Variants in STIM2 observed in about 807,000 individuals in gnomAD.
STIM2 encodes the protein stromal interaction molecule 2.
A neutral mutation model predicts 85.8 loss-of-function variants in STIM2; 31 were observed. That is an observed-to-expected ratio of 0.36 (90% CI 0.27 to 0.49). The LOEUF is 0.49. Ranked by LOEUF, STIM2 falls within the 20% of genes least tolerant of loss-of-function variation. The pLI is 0.98. For synonymous variants in STIM2, 356 were observed against 331.1 expected (o/e 1.08, Z -0.82); for missense variants, 841 against 927.6 (o/e 0.91, Z 1.21).
chr4:26,933,589 A>G (rs1218920650), intron 2 of STIM2, among the ~76,000 whole-genome samples: 5 of 151,972 alleles, frequency 3.3e-5, no homozygotes, highest in Non-Finnish European at 7.4e-5. Flanking sequence ...ATTTTTCCAG[A>G]CTGTTTTTTA....
At chr4:26,941,265 T>C (rs554120496) in intron 2 of STIM2, among the ~76,000 whole-genome samples, 101 of 152,298 alleles carry the variant, frequency 6.6e-4, no homozygotes, top group African/African-American at 2.4e-3. Context: ...TTAGTTCAAG[T>C]GGAATCTTTT....
rs145231587 is a variant in STIM2, at chr4:26,940,791, G to GC, written c.283-16817dup. On this transcript the variant is annotated intron_variant, in intron 2 of 11. Transcript: ENST00000467087. ...CCCCTACTCAAAAATTTATATTAGAGCCCCATAGTCCAGTGGTCTCAAATT... is the reference window on the plus strand; with the variant it reads ...CCCCTACTCAAAAATTTATATTAGAGCCCCCATAGTCCAGTGGTCTCAAATT... 2.2e-3 allele frequency among the ~76,000 whole-genome samples: 337 copies of GC among 152,098 alleles called. 1 individual carries two copies. Among genetic ancestry groups the GC allele is most frequent in the African/African-American group, 7.7e-3 (321 of 41,470 alleles).
intron 2 of STIM2, among the ~76,000 whole-genome samples, chr4:26,929,009 C>G (rs549063490): frequency 6.6e-6 from 1 of 152,150 alleles, no homozygotes; most frequent in African/African-American, 2.4e-5. Context: ...GTGGTAGCCA[C>G]TAGCCATATT....
chr4:26,870,297 C>CAAAAA (rs36094333), intron 1 of STIM2, among the ~76,000 whole-genome samples: 2 of 118,414 alleles, frequency 1.7e-5, no homozygotes, highest in African/African-American at 5.7e-5. Flanking sequence ...CTTAACACAC[C>CAAAAA]AAAAAAAAAA....
In STIM2 at chr4:26,919,541, A is replaced by T; in HGVS notation, c.189A>T (p.Glu63Asp). 1 of 1,613,710 alleles carries T rather than the reference A, an allele frequency of 6.2e-7. No individual in the cohort carries two copies. The highest frequency in any genetic ancestry group is 8.5e-7 in the Non-Finnish European group (1 of 1,179,752). Reference sequence around the variant, plus strand: ...CACTGAGTCCACCATGCTTTACAGAAGAAGACAGATTTAGTCTGGAAGCTC... The same window carrying T: ...CACTGAGTCCACCATGCTTTACAGATGAAGACAGATTTAGTCTGGAAGCTC... The change falls in exon 2 of 12, where the codon GAA becomes GAT. Residue 63 changes from glutamate to aspartate, a missense_variant. Physicochemically the swap from Glu to Asp is conservative, Grantham distance 45. Around this residue, in one of 3 missense-constraint regions of STIM2, gnomAD observed 140 missense variants for 117.7 expected, o/e 1.19. Coordinates refer to ENST00000467087, the MANE Select transcript of STIM2 (RefSeq NM_020860.4).
intron 1 of STIM2, among the ~76,000 whole-genome samples, chr4:26,882,952 C>T (rs1176050772): frequency 1.3e-5 from 2 of 151,828 alleles, no homozygotes; most frequent in African/African-American, 4.8e-5. Context: ...ATTCTCATGC[C>T]TCAGCCTCCC....
chr4:26,890,687 A>C (rs904713760), intron 1 of STIM2, among the ~76,000 whole-genome samples: 1 of 151,184 alleles, frequency 6.6e-6, no homozygotes, highest in Non-Finnish European at 1.5e-5. Context: ...AGCCGGGCGT[A>C]GTGGCGGGCG....
intron 2 of STIM2, among the ~76,000 whole-genome samples, chr4:26,920,994 C>T (rs1724774384): frequency 6.6e-6 from 1 of 152,098 alleles, no homozygotes; most frequent in Non-Finnish European, 1.5e-5. Flanking sequence ...AACCCCAGCA[C>T]CTCAGAATGT....
chr4:26,968,393 CATT>C lies in STIM2; in HGVS notation c.397+10670_397+10672del, dbSNP rs375960661. On this transcript the variant is annotated intron_variant, in intron 3 of 11. Coordinates refer to ENST00000467087, the MANE Select transcript of STIM2 (RefSeq NM_020860.4). ...GCACAACATGGATAAACCTTGAGAA[CATT>C]ATGCTAAGTGAAAAAAGCCAGTCAC... Among the ~76,000 whole-genome samples the C allele has an allele frequency of 6.7e-3, 1,025 of 152,180 alleles. 20 individuals carry two copies. Among genetic ancestry groups the C allele is most frequent in the African/African-American group, 0.024 (983 of 41,504 alleles).
intron 2 of STIM2, among the ~76,000 whole-genome samples, chr4:26,921,299 T>G (rs917809297): frequency 6.6e-6 from 1 of 152,146 alleles, no homozygotes; most frequent in Non-Finnish European, 1.5e-5. Context: ...ACACATTGAT[T>G]TTGAACTTCT....
At position 27,002,274 on chromosome 4, in the gene STIM2, T is replaced by C. The variant is rs747870723; in HGVS notation, c.683T>C (p.Val228Ala). 30 of 1,613,434 alleles carry C rather than the reference T, an allele frequency of 1.9e-5. No homozygotes were observed. Among genetic ancestry groups the C allele is most frequent in the Non-Finnish European group, 2.5e-5 (29 of 1,179,874 alleles). The change falls in exon 6 of 12, where the codon GTT becomes GCT. Residue 228 changes from valine (V) to alanine (A), a missense_variant. Transcript: ENST00000467087. ...CTCACAGTTTCTATAGTAATTGGTG[T>C]TGGAGGCTGCTGGTTTGCTTATACG...
At position 26,861,294 on chromosome 4, in the gene STIM2, C is replaced by A; in HGVS notation, c.76C>A (p.Arg26=). Residue 26 remains arginine (R), a synonymous_variant, in exon 1 of 12, where the codon CGG becomes AGG. Transcript: ENST00000467087. Reference sequence around the variant, plus strand: ...TGTGCCCCGGCACCTCCGCGGGCGGCGGGCGACTGGCTCTGCCGCAACTGC... The same window carrying A: ...TGTGCCCCGGCACCTCCGCGGGCGGAGGGCGACTGGCTCTGCCGCAACTGC... 1 of 1,448,336 alleles carries A rather than the reference C, an allele frequency of 6.9e-7. No homozygotes were observed. The highest frequency in any genetic ancestry group is 9.1e-7 in the Non-Finnish European group (1 of 1,104,248). The allele number at this position is 1,448,336 out of a possible 1,614,324, so 89.7% of individuals were successfully genotyped here.
At chr4:26,885,082 T>C (rs977338124) in intron 1 of STIM2, among the ~76,000 whole-genome samples, 3 of 152,198 alleles carry the variant, frequency 2.0e-5, no homozygotes, top group African/African-American at 7.2e-5. Context: ...ATGGGTACAA[T>C]ATTAGGGTTA....
chr4:26,972,825 C>T (rs888461513), intron 3 of STIM2, among the ~76,000 whole-genome samples: 22 of 152,158 alleles, frequency 1.4e-4, no homozygotes, highest in Admixed American at 9.8e-4. Flanking sequence ...GTCCCAGCTC[C>T]TCTTTGTACC....
At chr4:27,000,878 C>T (rs1728128804) in intron 5 of STIM2, among the ~76,000 whole-genome samples, 1 of 151,356 alleles carries the variant, frequency 6.6e-6, no homozygotes, top group African/African-American at 2.4e-5. Flanking sequence ...CCTTATTTAT[C>T]TATTTATTGT....
chr4:26,904,471 T>C (rs551876240), intron 1 of STIM2, among the ~76,000 whole-genome samples: 10 of 152,184 alleles, frequency 6.6e-5, no homozygotes, highest in African/African-American at 2.4e-4. Context: ...TGTGCTGTCT[T>C]GGAAATTAAA....
intron 2 of STIM2, among the ~76,000 whole-genome samples, chr4:26,933,029 A>C (rs998326118): frequency 1.3e-5 from 2 of 152,184 alleles, no homozygotes; most frequent in African/African-American, 4.8e-5. Context: ...TGATCTGTGG[A>C]TATCAAGAAA....
chr4:26,999,900 CTG>C (rs1229803192), intron 5 of STIM2, among the ~76,000 whole-genome samples: 3 of 152,146 alleles, frequency 2.0e-5, no homozygotes, highest in African/African-American at 7.2e-5. Context: ...TATGCAATAT[CTG>C]TAAAGAAAAT....
At chr4:26,864,484 GAAAC>G (rs1285027348) in intron 1 of STIM2, among the ~76,000 whole-genome samples, 3 of 151,792 alleles carry the variant, frequency 2.0e-5, no homozygotes, top group Non-Finnish European at 4.4e-5. Flanking sequence ...TTATGAAAGG[GAAAC>G]AAACAAACAA....
Sources: gnomAD v4.1 joint callset for allele counts (sites outside exome capture counted in the v4.1 genomes callset) on GRCh38, gnomAD v4.1.1 for gene constraint, gnomAD v4.1.1 regional missense constraint, MANE v1.5 for transcripts, NCBI Gene and HGNC (gene_info 2026-07-23, HGNC 2026-07-21) for gene names.